Variants in RARB observed in about 807,000 individuals in gnomAD.
RARB encodes HBV-activated protein.
Under a neutral mutation model 51.9 loss-of-function variants are expected in RARB, and 17 were observed. That is an observed-to-expected ratio of 0.33 (90% CI 0.22 to 0.49). The LOEUF (loss-of-function observed/expected upper bound fraction) is 0.49. RARB is among the 20% of genes least tolerant of loss of function. The pLI is 0.99. For synonymous variants in RARB, 215 were observed against 195.4 expected, an observed-to-expected ratio of 1.10 and a Z score of -0.84; for missense variants, 369 against 550.8, an observed-to-expected ratio of 0.67 and a Z score of 3.30.
intron 5 of RARB, among the ~76,000 whole-genome samples, chr3:25,256,596 A>G (rs1992059): frequency 0.1 from 15,520 of 152,152 alleles, 971 homozygotes; most frequent in South Asian, 0.25. Context: ...TATAACCATG[A>G]GTTCAGAATT....
At chr3:25,311,240 T>G (rs1460742745) in intron 5 of RARB, among the ~76,000 whole-genome samples, 2 of 152,124 alleles carry the variant, frequency 1.3e-5, no homozygotes, top group Non-Finnish European at 1.5e-5. Flanking sequence ...AGGATGCACG[T>G]GGTGTATTTG....
At chr3:24,833,657 C>T (rs1048560642) in intron 1 of RARB, among the ~76,000 whole-genome samples, 3 of 152,212 alleles carry the variant, frequency 2.0e-5, no homozygotes, top group African/African-American at 7.2e-5. Flanking sequence ...TAGTCTTCCT[C>T]ATTTGGGGAA....
chr3:25,448,969 C>T (rs370106051), intron 1 of RARB, among the ~76,000 whole-genome samples: 28 of 151,796 alleles, frequency 1.8e-4, no homozygotes, highest in African/African-American at 5.6e-4. Context: ...TAGACAGTGA[C>T]AGAAAAGCTA....
chr3:25,513,099 A>G (rs1415987258), intron 3 of RARB, among the ~76,000 whole-genome samples: 26 of 149,184 alleles, frequency 1.7e-4, no homozygotes, highest in African/African-American at 2.2e-4. Flanking sequence ...CTAACACGGT[A>G]AAACCCTGTC....
chr3:25,175,796 C>T (rs1700732385), intron 5 of RARB, among the ~76,000 whole-genome samples: 1 of 152,104 alleles, frequency 6.6e-6, no homozygotes. Flanking sequence ...AACATTTGAC[C>T]CTCATGTCTC....
At chr3:25,192,277 C>A (rs1031730424) in intron 5 of RARB, among the ~76,000 whole-genome samples, 1 of 152,066 alleles carries the variant, frequency 6.6e-6, no homozygotes, top group East Asian at 1.9e-4. Context: ...ATAAGCTATT[C>A]TTCAGATATC....
chr3:25,191,541 A>G (rs1355663608), intron 5 of RARB, among the ~76,000 whole-genome samples: 2 of 151,930 alleles, frequency 1.3e-5, no homozygotes, highest in African/African-American at 4.8e-5. Flanking sequence ...ATGGACAGCT[A>G]TGAATTTTCC....
rs185973671 is a variant in RARB at position 25,491,368 on chromosome 3, C to G, written c.307-9814C>G. Among the ~76,000 whole-genome samples the G allele has an allele frequency of 1.4e-3, 219 of 151,584 alleles. 1 individual carries two copies. The highest frequency in any genetic ancestry group is 4.9e-3 in the African/African-American group (202 of 41,358). ...GTAAGGTTTTTCTTTCTAGCTTTTA[C>G]TCAGGTCGTGGAATTTCTCAGAGGC... On this transcript the variant is annotated intron_variant, in intron 2 of 7. Coordinates refer to ENST00000330688, the MANE Select transcript of RARB (RefSeq NM_000965.5).
intron 5 of RARB, among the ~76,000 whole-genome samples, chr3:25,299,007 T>C (rs1236141784): frequency 2.6e-5 from 4 of 152,206 alleles, no homozygotes; most frequent in East Asian, 1.9e-4. Flanking sequence ...ACAGATATCA[T>C]AGACTTGCAT....
At chr3:25,419,460 C>T (rs992631495) in intron 5 of RARB, among the ~76,000 whole-genome samples, 5 of 152,154 alleles carry the variant, frequency 3.3e-5, no homozygotes, top group Non-Finnish European at 5.9e-5. Flanking sequence ...TGGGCCTCCT[C>T]AAGCAGAGGA....
At chr3:25,356,657 C>T (rs1670940414) in intron 5 of RARB, among the ~76,000 whole-genome samples, 2 of 152,114 alleles carry the variant, frequency 1.3e-5, no homozygotes, top group Non-Finnish European at 2.9e-5. Context: ...GATGCTGTCA[C>T]TCCCCTTGCC....
intron 3 of RARB, among the ~76,000 whole-genome samples, chr3:25,565,267 A>T (rs1023833526): frequency 2.0e-5 from 3 of 152,094 alleles, no homozygotes; most frequent in Non-Finnish European, 4.4e-5. Flanking sequence ...CCACTTTCTC[A>T]TCTGCAAAAT....
At chr3:25,207,827 A>C (rs948423311) in intron 5 of RARB, among the ~76,000 whole-genome samples, 5 of 152,226 alleles carry the variant, frequency 3.3e-5, no homozygotes, top group African/African-American at 9.6e-5. Context: ...GTTGCTACAA[A>C]GGAACAACTG....
At chr3:25,064,946 A>T (rs6804842) in intron 3 of RARB, among the ~76,000 whole-genome samples, 1 of 151,894 alleles carries the variant, frequency 6.6e-6, no homozygotes, top group Non-Finnish European at 1.5e-5. Flanking sequence ...ACACTAACCC[A>T]GCTTATGTGA....
At chr3:24,883,017 G>A (rs1418645745) in intron 2 of RARB, among the ~76,000 whole-genome samples, 1 of 152,142 alleles carries the variant, frequency 6.6e-6, no homozygotes. Flanking sequence ...CAGCACTAAG[G>A]GGAGCTGAAG....
intron 2 of RARB, among the ~76,000 whole-genome samples, chr3:24,909,434 G>A (rs910909985): frequency 2.6e-5 from 4 of 152,142 alleles, no homozygotes; most frequent in Non-Finnish European, 4.4e-5. Flanking sequence ...GTTCACTGAC[G>A]CGGGTGAATG....
At chr3:25,406,650 C>G (rs1022822615) in intron 5 of RARB, among the ~76,000 whole-genome samples, 2 of 152,210 alleles carry the variant, frequency 1.3e-5, no homozygotes, top group Non-Finnish European at 2.9e-5. Flanking sequence ...TTGCTAAATA[C>G]AATTATATTC....
chr3:25,463,360 G>T (rs188551580), intron 2 of RARB, among the ~76,000 whole-genome samples: 1 of 151,970 alleles, frequency 6.6e-6, no homozygotes, highest in Non-Finnish European at 1.5e-5. Flanking sequence ...CATATAGTGG[G>T]TGCTTAAAGA....
intron 2 of RARB, among the ~76,000 whole-genome samples, chr3:25,470,363 A>G (rs1695625521): frequency 6.6e-6 from 1 of 152,238 alleles, no homozygotes; most frequent in African/African-American, 2.4e-5. Context: ...TGAATGAATG[A>G]GCAAGGAAAC....
Sources: gnomAD v4.1 joint callset for allele counts (sites outside exome capture counted in the v4.1 genomes callset) on GRCh38, gnomAD v4.1.1 for gene constraint, MANE v1.5 for transcripts, NCBI Gene and HGNC (gene_info 2026-07-23, HGNC 2026-07-21) for gene names.